STK3: variants seen among roughly 807,000 people sequenced by gnomAD.
STK3 encodes serine/threonine kinase 3, also known as serine/threonine-protein kinase 3.
In STK3, 41 loss-of-function variants were observed where a neutral mutation model predicts 58.0. The ratio of observed to expected loss-of-function variants is 0.71; its 90% CI spans 0.55 to 0.92. The LOEUF is 0.92. Among genes scored for constraint, STK3 ranks in the 40% least tolerant of loss-of-function variants. STK3 has a pLI of 0.00. For missense variants in STK3, 479 were observed against 602.7 expected, an observed-to-expected ratio of 0.79 and a Z score of 2.15; for synonymous variants, 170 against 191.0, an observed-to-expected ratio of 0.89 and a Z score of 0.91.
intron 1 of STK3, among the ~76,000 whole-genome samples, chr8:98,385,278 T>C (rs78764581): frequency 0.028 from 4,206 of 151,796 alleles, 80 homozygotes; most frequent in Non-Finnish European, 0.041. Flanking sequence ...GTCGTGCAAT[T>C]CAAAGCAAAG....
At position 98,486,305 on chromosome 8, in the gene STK3, T is replaced by C. The variant is rs552874155; in HGVS notation, c.1318-30305A>G. On this transcript the variant is annotated intron_variant, in intron 10 of 10. Coordinates refer to ENST00000419617, the MANE Select transcript of STK3 (RefSeq NM_006281.4). ...CAACATCATATAATGATAAAAAGAA[T>C]AAAACGTAGCCCCAATCTGGTTGGG... Among the ~76,000 whole-genome samples, 5 of 152,244 alleles carry C rather than the reference T, an allele frequency of 3.3e-5. No individual in the cohort carries two copies. The South Asian group carries it at 6.2e-4, about 19-fold the overall frequency.
intron 3 of STK3, among the ~76,000 whole-genome samples, chr8:98,831,894 A>T (rs558772724): frequency 3.9e-5 from 6 of 152,220 alleles, no homozygotes; most frequent in Non-Finnish European, 7.3e-5. Context: ...GGGAATAAGG[A>T]CAGTATCTTC....
At chr8:98,519,004 A>G (rs886356612) in intron 10 of STK3, among the ~76,000 whole-genome samples, 2 of 152,148 alleles carry the variant, frequency 1.3e-5, no homozygotes, top group Non-Finnish European at 2.9e-5. Flanking sequence ...TGAAATATCT[A>G]TAGTTGTCTT....
intron 1 of STK3, among the ~76,000 whole-genome samples, chr8:98,440,815 T>A (rs1257995092): frequency 1.3e-5 from 2 of 152,156 alleles, no homozygotes; most frequent in Non-Finnish European, 2.9e-5. Context: ...CTAGTATAAT[T>A]TTCACTGGTA....
chr8:98,918,552 T>G (rs1190545764), intron 1 of STK3, among the ~76,000 whole-genome samples: 3 of 152,154 alleles, frequency 2.0e-5, no homozygotes, highest in Non-Finnish European at 2.9e-5. Context: ...GGAGGACCGC[T>G]TGAGCCTAGA....
At chr8:98,853,514 T>G (rs1366294167) in intron 3 of STK3, among the ~76,000 whole-genome samples, 1 of 152,226 alleles carries the variant, frequency 6.6e-6, no homozygotes, top group Non-Finnish European at 1.5e-5. Flanking sequence ...CTGGGTCTAG[T>G]TTCCCACTGG....
At chr8:98,923,923 G>T (rs17374005) in intron 1 of STK3, among the ~76,000 whole-genome samples, 2 of 149,360 alleles carry the variant, frequency 1.3e-5, no homozygotes, top group African/African-American at 2.5e-5. Flanking sequence ...ATAGTTTTAC[G>T]TTGAGCCAGC....
At chr8:98,435,072 G>C (rs1818438685) in intron 2 of STK3, among the ~76,000 whole-genome samples, 1 of 152,202 alleles carries the variant, frequency 6.6e-6, no homozygotes. Context: ...CCACAATCTG[G>C]TAGAATAGAG....
rs1285344973 is a variant in STK3, at chr8:98,699,593, A to C, written c.684+6874T>G. 2.6e-5 allele frequency among the ~76,000 whole-genome samples: 4 copies of C among 152,320 alleles called. No individual in the cohort carries two copies. In the East Asian group the frequency reaches 7.7e-4, roughly 29 times the overall value. On this transcript the variant is annotated intron_variant, in intron 6 of 10. Transcript: ENST00000419617. ...TTTCCTTCTAACAGACAGGACCCTC[A>C]GCTGCAGGTGTGTTGGAGTTTGCTA... is the stretch of plus-strand genomic sequence containing the variant.
At chr8:98,592,710 A>T (rs1293803662) in intron 7 of STK3, among the ~76,000 whole-genome samples, 1 of 151,686 alleles carries the variant, frequency 6.6e-6, no homozygotes, top group Admixed American at 6.6e-5. Context: ...GGAAGAGATC[A>T]TGGAAGACTG....
At chr8:98,772,887 T>C (rs1831411551) in intron 2 of STK3, among the ~76,000 whole-genome samples, 1 of 152,124 alleles carries the variant, frequency 6.6e-6, no homozygotes, top group Non-Finnish European at 1.5e-5. Flanking sequence ...CGTGAGCCAA[T>C]TAAATTTTTC....
chr8:98,452,860 A>C (rs1819258737), downstream of STK3, among the ~76,000 whole-genome samples: 1 of 150,534 alleles, frequency 6.6e-6, no homozygotes, highest in Admixed American at 6.6e-5. Context: ...TTCCAGGTTC[A>C]AGCGATTCTC....
intron 6 of STK3, among the ~76,000 whole-genome samples, chr8:98,660,521 A>C (rs939346781): frequency 6.6e-6 from 1 of 152,078 alleles, no homozygotes; most frequent in African/African-American, 2.4e-5. Flanking sequence ...TTACAGGTAA[A>C]ACATGTATGT....
intron 6 of STK3, among the ~76,000 whole-genome samples, chr8:98,698,243 G>C (rs1453024159): frequency 1.3e-5 from 2 of 150,778 alleles, no homozygotes; most frequent in African/African-American, 4.9e-5. Flanking sequence ...CTTTTATTTT[G>C]AGCCTATGTG....
At chr8:98,651,290 A>T (rs767049368) in intron 6 of STK3, among the ~76,000 whole-genome samples, 20 of 152,332 alleles carry the variant, frequency 1.3e-4, no homozygotes, top group South Asian at 6.2e-4. Flanking sequence ...TCCTGTCTGT[A>T]GGAAGGAAAA....
chr8:98,575,858 G>A (rs1187790838), intron 8 of STK3, among the ~76,000 whole-genome samples: 1 of 151,942 alleles, frequency 6.6e-6, no homozygotes, highest in Non-Finnish European at 1.5e-5. Context: ...TTCACTTCTT[G>A]ATAATTTATT....
intron 6 of STK3, among the ~76,000 whole-genome samples, chr8:98,629,527 A>G (rs1819016256): frequency 6.6e-6 from 1 of 152,182 alleles, no homozygotes; most frequent in Non-Finnish European, 1.5e-5. Context: ...GATCCAGGTA[A>G]AGTCATACAA....
chr8:98,720,616 T>G (rs1353994899), intron 4 of STK3, among the ~76,000 whole-genome samples: 1 of 151,904 alleles, frequency 6.6e-6, no homozygotes, highest in Admixed American at 6.6e-5. Context: ...CCAGGTGTGG[T>G]GGCAGGCACC....
intron 3 of STK3, among the ~76,000 whole-genome samples, chr8:98,859,007 C>CT (rs569383210): frequency 1.2e-3 from 186 of 151,884 alleles, no homozygotes; most frequent in Non-Finnish European, 1.4e-3. Flanking sequence ...AACTCAGTGT[C>CT]TATAAGAATA....
Sources: allele counts gnomAD v4.1 joint callset (sites outside exome capture counted in the v4.1 genomes callset), GRCh38; gene constraint gnomAD v4.1.1; transcripts MANE v1.5; gene names NCBI Gene and HGNC (gene_info 2026-07-23, HGNC 2026-07-21).